PYGO1: variants seen among roughly 807,000 people sequenced by gnomAD.
PYGO1 encodes pygopus homolog 1.
PYGO1 carries 6 observed loss-of-function variants against 29.5 expected under a neutral mutation model. The observed-to-expected ratio is 0.20, with a 90% CI of 0.11 to 0.40. The LOEUF (loss-of-function observed/expected upper bound fraction) is 0.40, where lower values mean the gene tolerates loss of function less well. PYGO1 is among the 10% of genes least tolerant of loss of function. The pLI is 1.00. For missense variants in PYGO1, 515 were observed against 514.9 expected, an observed-to-expected ratio of 1.00 and a Z score of 0.00; for synonymous variants, 186 against 180.5, an observed-to-expected ratio of 1.03 and a Z score of -0.24.
At chr15:55,555,664 A>G (rs1472545011) in intron 1 of PYGO1, among the ~76,000 whole-genome samples, 1 of 152,086 alleles carries the variant, frequency 6.6e-6, no homozygotes, top group East Asian at 1.9e-4. Context: ...CCTAAAACTT[A>G]AAGTATAATA....
At chr15:55,564,913 T>C (rs938220600) in intron 1 of PYGO1, among the ~76,000 whole-genome samples, 8 of 152,132 alleles carry the variant, frequency 5.3e-5, no homozygotes, top group African/African-American at 1.7e-4. Context: ...CAAATTCAAT[T>C]CCCTGTGGTT....
In PYGO1 at chr15:55,539,545, A is replaced by G. The variant is rs1283597296; in HGVS notation, c.*6478T>C. 1 of 152,128 alleles carries G rather than the reference A, an allele frequency of 6.6e-6. No homozygotes were observed. Among genetic ancestry groups the G allele is most frequent in the Non-Finnish European group, 1.5e-5 (1 of 67,944 alleles). The allele number at this position is 152,128 out of a possible 1,614,324, so 9.4% of individuals were successfully genotyped here. A position where few individuals can be genotyped will look rare whatever the true frequency, so the allele number is the denominator to read the frequency against. On this transcript the variant is annotated 3_prime_UTR_variant, in exon 3 of 3. Coordinates refer to ENST00000563719, the MANE Select transcript of PYGO1 (RefSeq NM_001367806.1). ...ATACTTCTTTAGACGTCTATGATCTAAATAGAAACAGACTCAGTTCTAAAA... is the reference window on the plus strand; with the variant it reads ...ATACTTCTTTAGACGTCTATGATCTGAATAGAAACAGACTCAGTTCTAAAA...
chr15:55,549,914 A>G (rs1436542016), intron 1 of PYGO1, among the ~76,000 whole-genome samples: 1 of 152,122 alleles, frequency 6.6e-6, no homozygotes, highest in East Asian at 1.9e-4. Flanking sequence ...TGTTTTCAAC[A>G]CCATCTTCAC....
At chr15:55,577,025 C>A (rs1042744538) in intron 1 of PYGO1, among the ~76,000 whole-genome samples, 2 of 151,658 alleles carry the variant, frequency 1.3e-5, no homozygotes, top group African/African-American at 2.4e-5. Flanking sequence ...AAACTACATA[C>A]CTCCCTCACG....
Position 55,546,379 on chromosome 15 carries a change from C to T in PYGO1, c.904G>A (p.Gly302Arg), listed in dbSNP as rs747182453. 1.1e-5 allele frequency: 18 copies of T among 1,614,184 alleles called. No homozygotes were observed. The highest frequency in any genetic ancestry group is 1.6e-4 in the Middle Eastern group (1 of 6,062). ...GGTTGTCGTGGCTTATTCTGCGTCC[C>T]ATTTGCAGGGTTATTGTTTGTGGCT... ...TEATNNNPAN[G>R]TQNKPRQPRG... Residue 302 changes from glycine to arginine, a missense_variant, in exon 3 of 3, where the codon GGG becomes AGG. Transcript: ENST00000563719.
chr15:55,560,986 C>G (rs192502313), intron 1 of PYGO1, among the ~76,000 whole-genome samples: 3 of 151,866 alleles, frequency 2.0e-5, no homozygotes, highest in Non-Finnish European at 4.4e-5. Context: ...AACCCCACTA[C>G]TTTAAAGTTC....
chr15:55,549,335 T>C (rs915339812), intron 1 of PYGO1, among the ~76,000 whole-genome samples: 1 of 152,164 alleles, frequency 6.6e-6, no homozygotes, highest in Non-Finnish European at 1.5e-5. Context: ...TATTAAAGTA[T>C]ATTATTATTA....
intron 1 of PYGO1, among the ~76,000 whole-genome samples, chr15:55,577,261 T>C (rs1417969042): frequency 6.6e-6 from 1 of 152,152 alleles, no homozygotes. Flanking sequence ...ATGCAAACTT[T>C]TGTCTCTTAT....
At chr15:55,568,320 CTGTGTGTGTGTGTGTGTGTGTGTGTGTG>C (rs58177433) in intron 1 of PYGO1, among the ~76,000 whole-genome samples, 1 of 125,828 alleles carries the variant, frequency 7.9e-6, no homozygotes, top group Non-Finnish European at 1.6e-5. Context: ...TTCCTAGGTA[CTGTGTGTGTGTGTGTGTGTGTGTGTGTG>C]TGTGTGTGTG....
At chr15:55,580,100 C>T (rs1477584659) in intron 1 of PYGO1, among the ~76,000 whole-genome samples, 1 of 152,144 alleles carries the variant, frequency 6.6e-6, no homozygotes, top group Admixed American at 6.5e-5. Flanking sequence ...GATAACTATA[C>T]AATAATACCT....
At chr15:55,583,394 CAT>C (rs983695656) in intron 1 of PYGO1, among the ~76,000 whole-genome samples, 6 of 151,014 alleles carry the variant, frequency 4.0e-5, no homozygotes, top group African/African-American at 1.5e-4. Context: ...AAAAAAGACT[CAT>C]ATTTTCTCTT....
chr15:55,562,146 T>C (rs551902208), intron 1 of PYGO1, among the ~76,000 whole-genome samples: 229 of 152,198 alleles, frequency 1.5e-3, no homozygotes, highest in Non-Finnish European at 2.5e-3. Flanking sequence ...CGAGATACCA[T>C]CTCACATCAG....
At chr15:55,579,748 C>CA (rs1441936515) in intron 1 of PYGO1, among the ~76,000 whole-genome samples, 1 of 152,134 alleles carries the variant, frequency 6.6e-6, no homozygotes, top group African/African-American at 2.4e-5. Flanking sequence ...TATAAATGGA[C>CA]AAAATATACT....
At chr15:55,584,878 C>A (rs1444230559) in intron 1 of PYGO1, among the ~76,000 whole-genome samples, 1 of 152,158 alleles carries the variant, frequency 6.6e-6, no homozygotes, top group Non-Finnish European at 1.5e-5. Flanking sequence ...TGCTTCTGGT[C>A]TACTCACACC....
intron 1 of PYGO1, among the ~76,000 whole-genome samples, chr15:55,579,658 G>A (rs2059017941): frequency 1.3e-5 from 2 of 151,992 alleles, no homozygotes; most frequent in South Asian, 4.1e-4. Flanking sequence ...TGAGATTACA[G>A]GCATAAACCA....
chr15:55,585,959 G>T (rs931038483), intron 1 of PYGO1, among the ~76,000 whole-genome samples: 9 of 152,090 alleles, frequency 5.9e-5, no homozygotes, highest in African/African-American at 2.2e-4. Flanking sequence ...CAAATTAAAG[G>T]TTGTGCTGAT....
At position 55,541,539 on chromosome 15, in the gene PYGO1, A is replaced by G. The variant is rs1185440588; in HGVS notation, c.*4484T>C. On this transcript the variant is annotated 3_prime_UTR_variant, in exon 3 of 3. Transcript: ENST00000563719. The stretch of plus-strand genomic sequence containing the variant: ...TATTAAAGATTCATTCTTAATAAAC[A>G]TACTTTTTTAAAAAAGAAATTTAAT... The G allele has an allele frequency of 6.6e-6, 1 of 152,220 alleles. No individual in the cohort carries two copies. Among genetic ancestry groups the G allele is most frequent in the Non-Finnish European group, 1.5e-5 (1 of 68,032 alleles). 9.4% of individuals were successfully genotyped at this position (152,220 alleles called of 1,614,324 possible).
intron 1 of PYGO1, among the ~76,000 whole-genome samples, chr15:55,549,863 T>A (rs1227425873): frequency 6.6e-6 from 1 of 152,204 alleles, no homozygotes; most frequent in Non-Finnish European, 1.5e-5. Flanking sequence ...TAACCCCATA[T>A]GCCTATCACC....
chr15:55,573,354 G>A (rs1404885529), intron 1 of PYGO1, among the ~76,000 whole-genome samples: 1 of 152,096 alleles, frequency 6.6e-6, no homozygotes, highest in Non-Finnish European at 1.5e-5. Flanking sequence ...GTGTTGGTGA[G>A]GATGTGGAGG....
Sources: gnomAD v4.1 joint callset for allele counts (sites outside exome capture counted in the v4.1 genomes callset) on GRCh38, gnomAD v4.1.1 for gene constraint, MANE v1.5 for transcripts, NCBI Gene and HGNC (gene_info 2026-07-23, HGNC 2026-07-21) for gene names.